The following ELL2 variants were observed in gnomAD, a reference collection of about 807,000 sequenced individuals.
The protein encoded by ELL2 is elongation factor for RNA polymerase II 2.
In ELL2, 21 loss-of-function variants were observed where a neutral mutation model predicts 72.8. The ratio of observed to expected loss-of-function variants is 0.29; its 90% CI spans 0.20 to 0.42. ELL2 has a LOEUF of 0.42. Among genes scored for constraint, ELL2 ranks in the 10% least tolerant of loss-of-function variants. The pLI is 1.00. For synonymous variants in ELL2, 266 were observed against 283.2 expected, an observed-to-expected ratio of 0.94 and a Z score of 0.61; for missense variants, 568 against 772.8, an observed-to-expected ratio of 0.73 and a Z score of 3.14.
chr5:95,900,554 T>C (rs1239441037), intron 7 of ELL2, 139 bp downstream of exon 7: 1 of 564,150 alleles, frequency 1.8e-6, no homozygotes, highest in African/African-American at 1.9e-5. Flanking sequence ...TAGGCTAAGC[T>C]CAGCCATAAC....
chr5:95,958,629 T>C (rs1425744883), intron 1 of ELL2, among the ~76,000 whole-genome samples: 1 of 152,200 alleles, frequency 6.6e-6, no homozygotes, highest in Non-Finnish European at 1.5e-5. Flanking sequence ...TGATAGGAGC[T>C]GGTTAAGGAT....
Position 95,923,692 on chromosome 5 carries a change from G to A in ELL2, c.196-4147C>T, listed in dbSNP as rs76870438. ...CTGAGCTAAGCCCAGGCCAATCAGAGTTCTACATTGCCTTTTCTTGGTAGT... is the reference window on the plus strand; with the variant it reads ...CTGAGCTAAGCCCAGGCCAATCAGAATTCTACATTGCCTTTTCTTGGTAGT... On this transcript the variant is annotated intron_variant, in intron 2 of 11. Coordinates refer to ENST00000237853, the MANE Select transcript of ELL2 (RefSeq NM_012081.6). Among the ~76,000 whole-genome samples, 286 of 152,080 alleles carry A rather than the reference G, an allele frequency of 1.9e-3. 1 individual carries two copies. The highest frequency in any genetic ancestry group is 3.2e-3 in the Non-Finnish European group (219 of 67,998).
intron 2 of ELL2, among the ~76,000 whole-genome samples, chr5:95,935,420 T>C (rs921727150): frequency 3.3e-5 from 5 of 152,216 alleles, no homozygotes; most frequent in African/African-American, 7.2e-5. Flanking sequence ...ACAATAGTCA[T>C]GCTTTCAGTA....
chr5:95,920,266 T>C (rs1162027513), intron 2 of ELL2, among the ~76,000 whole-genome samples: 1 of 148,654 alleles, frequency 6.7e-6, no homozygotes, highest in African/African-American at 2.5e-5. Flanking sequence ...ATTTTTATTT[T>C]TAAATTTTTA....
At chr5:95,906,493 C>G (rs1749363966) in intron 5 of ELL2, 30 bp downstream of exon 5, 4 of 1,547,378 alleles carry the variant, frequency 2.6e-6, no homozygotes, top group Admixed American at 4.0e-5. Flanking sequence ...AGAAGGTAAG[C>G]AGGAAGGACC....
At chr5:95,954,596 C>CTTTTTTTTT (rs1169301940) in intron 1 of ELL2, among the ~76,000 whole-genome samples, 148 of 105,848 alleles carry the variant, frequency 1.4e-3, no homozygotes, top group East Asian at 8.4e-3. Flanking sequence ...TTTTTTTTTT[C>CTTTTTTTTT]TTTTTTTTTT....
At chr5:95,922,020 C>T (rs1421902016) in intron 2 of ELL2, among the ~76,000 whole-genome samples, 1 of 152,152 alleles carries the variant, frequency 6.6e-6, no homozygotes, top group Admixed American at 6.5e-5. Context: ...GCAGTACTTC[C>T]ATACCTATCA....
At chr5:95,947,264 C>T (rs748913468) in intron 1 of ELL2, among the ~76,000 whole-genome samples, 5 of 151,910 alleles carry the variant, frequency 3.3e-5, no homozygotes, top group African/African-American at 4.8e-5. Context: ...TACCACTATA[C>T]ACACTGTACA....
At chr5:95,909,271 C>A (rs1015851457) in intron 4 of ELL2, among the ~76,000 whole-genome samples, 3 of 152,194 alleles carry the variant, frequency 2.0e-5, no homozygotes, top group African/African-American at 7.2e-5. Flanking sequence ...TCCCCTACCC[C>A]CAAAACACTC....
intron 2 of ELL2, among the ~76,000 whole-genome samples, chr5:95,929,006 T>G (rs1750495577): frequency 6.6e-6 from 1 of 152,180 alleles, no homozygotes. Flanking sequence ...CACGCTACTC[T>G]GTGTCCCCAC....
chr5:95,926,668 T>C (rs1324657746), intron 2 of ELL2, among the ~76,000 whole-genome samples: 1 of 152,208 alleles, frequency 6.6e-6, no homozygotes, highest in Non-Finnish European at 1.5e-5. Flanking sequence ...TTAAAGAGTA[T>C]AGCAGCCTAA....
At chr5:95,938,364 T>C (rs1255529991) in intron 2 of ELL2, among the ~76,000 whole-genome samples, 1 of 152,232 alleles carries the variant, frequency 6.6e-6, no homozygotes, top group Non-Finnish European at 1.5e-5. Context: ...TCACAGGAGA[T>C]ACTGCATGGT....
intron 1 of ELL2, among the ~76,000 whole-genome samples, chr5:95,961,308 C>A (rs1246313270): frequency 2.0e-5 from 3 of 152,014 alleles, no homozygotes; most frequent in Non-Finnish European, 4.4e-5. Context: ...GTCGGAAAGT[C>A]CCGCAGCGGC....
intron 2 of ELL2, among the ~76,000 whole-genome samples, chr5:95,930,489 G>C (rs2112331398): frequency 6.6e-6 from 1 of 152,288 alleles, no homozygotes; most frequent in African/African-American, 2.4e-5. Flanking sequence ...AAACTTGTAA[G>C]TCCAATAAGA....
intron 2 of ELL2, among the ~76,000 whole-genome samples, chr5:95,931,291 T>G (rs754812315): frequency 2.0e-5 from 3 of 152,074 alleles, no homozygotes; most frequent in Non-Finnish European, 4.4e-5. Context: ...GATGTGAAGT[T>G]CAGAGATAAC....
At position 95,927,669 on chromosome 5, in the gene ELL2, A is replaced by G. The variant is rs867482929; in HGVS notation, c.196-8124T>C. ...TATAGACATACACACACACGTGTGT[A>G]TATAGACATACACACACACGTGTGT... On this transcript the variant is annotated intron_variant, in intron 2 of 11. Transcript: ENST00000237853. Among the ~76,000 whole-genome samples, 42 of 52,244 alleles carry G rather than the reference A, an allele frequency of 8.0e-4. 3 individuals carry two copies. Among genetic ancestry groups the G allele is most frequent in the Non-Finnish European group, 7.6e-4 (22 of 29,010 alleles). The allele number at this position is 52,244 out of a possible 152,430, so 34.3% of individuals were successfully genotyped here.
At chr5:95,924,091 C>A (rs1478005536) in intron 2 of ELL2, among the ~76,000 whole-genome samples, 1 of 152,174 alleles carries the variant, frequency 6.6e-6, no homozygotes, top group African/African-American at 2.4e-5. Flanking sequence ...AGACCAGAAC[C>A]TGTGGGACTG....
At chr5:95,947,544 T>C (rs1047886976) in intron 1 of ELL2, among the ~76,000 whole-genome samples, 1 of 152,176 alleles carries the variant, frequency 6.6e-6, no homozygotes, top group Non-Finnish European at 1.5e-5. Context: ...CCCTGGGTGG[T>C]AGGAAAGCAT....
chr5:95,918,512 C>T (rs987217925), intron 3 of ELL2, among the ~76,000 whole-genome samples: 1 of 152,026 alleles, frequency 6.6e-6, no homozygotes, highest in Non-Finnish European at 1.5e-5. Context: ...CTGTCAGTGT[C>T]TTATTTTGTA....
Sources: allele counts gnomAD v4.1 joint callset (sites outside exome capture counted in the v4.1 genomes callset), GRCh38; gene constraint gnomAD v4.1.1; transcripts MANE v1.5; gene names NCBI Gene and HGNC (gene_info 2026-07-23, HGNC 2026-07-21).